The following PDGFD variants were observed in gnomAD, a reference collection of about 807,000 sequenced individuals.
PDGFD encodes platelet-derived growth factor D.
In PDGFD, 30 loss-of-function variants were observed where a neutral mutation model predicts 44.7. The ratio of observed to expected loss-of-function variants is 0.67; its 90% CI spans 0.50 to 0.91. PDGFD has a LOEUF of 0.91. PDGFD is among the 40% of genes least tolerant of loss of function. The pLI, the probability that PDGFD is intolerant of heterozygous loss-of-function variation, is 0.00. For synonymous variants in PDGFD, 173 were observed against 168.4 expected, an observed-to-expected ratio of 1.03 and a Z score of -0.21; for missense variants, 445 against 457.8, an observed-to-expected ratio of 0.97 and a Z score of 0.25.
chr11:104,160,652 T>C (rs1006129011), intron 1 of PDGFD, among the ~76,000 whole-genome samples: 11 of 152,218 alleles, frequency 7.2e-5, no homozygotes, highest in Non-Finnish European at 1.5e-4. Flanking sequence ...TATTAAGTAC[T>C]GTAAATTATT....
chr11:103,940,649 T>G (rs1375047450), intron 5 of PDGFD, among the ~76,000 whole-genome samples: 2 of 152,182 alleles, frequency 1.3e-5, no homozygotes, highest in African/African-American at 2.4e-5. Context: ...GCTGAAATAT[T>G]AAACCTGACT....
chr11:104,072,870 G>GTA (rs1338050278), intron 1 of PDGFD, among the ~76,000 whole-genome samples: 3 of 151,980 alleles, frequency 2.0e-5, no homozygotes, highest in South Asian at 2.1e-4. Flanking sequence ...ATGACATAAT[G>GTA]TATATAAATG....
At chr11:103,999,907 GGTCT>G in intron 2 of PDGFD, 140 bp downstream of exon 2, 1 of 593,514 alleles carries the variant, frequency 1.7e-6, no homozygotes, top group Middle Eastern at 4.8e-4. Context: ...TGTCTGTTAG[GGTCT>G]TTAGGCTTTT....
intron 6 of PDGFD, among the ~76,000 whole-genome samples, chr11:103,920,048 T>C (rs1212175920): frequency 1.3e-5 from 2 of 152,184 alleles, no homozygotes; most frequent in Non-Finnish European, 2.9e-5. Context: ...CAGGCAATAA[T>C]CACAGCAGTG....
chr11:103,944,886 G>T (rs1858646638), intron 4 of PDGFD, among the ~76,000 whole-genome samples: 1 of 152,144 alleles, frequency 6.6e-6, no homozygotes, highest in Non-Finnish European at 1.5e-5. Flanking sequence ...GTAGGGAAAA[G>T]GGAGTCAAGG....
At chr11:103,925,698 T>C (rs7950323) in intron 6 of PDGFD, among the ~76,000 whole-genome samples, 12,498 of 69,034 alleles carry the variant, frequency 0.18, 1,721 homozygotes, top group African/African-American at 0.4. Context: ...TATATATATA[T>C]ACACAGACAC....
At chr11:104,034,577 T>C (rs1256107444) in intron 1 of PDGFD, among the ~76,000 whole-genome samples, 4 of 151,898 alleles carry the variant, frequency 2.6e-5, no homozygotes, top group Non-Finnish European at 5.9e-5. Context: ...TCGACTATCT[T>C]GGTTCATAAG....
Position 103,908,467 on chromosome 11 carries a change from G to A in PDGFD, c.*1227C>T, listed in dbSNP as rs1350456371. The A allele has an allele frequency of 3.9e-5, 6 of 152,108 alleles. No homozygotes were observed. Among genetic ancestry groups the A allele is most frequent in the African/African-American group, 1.2e-4 (5 of 41,434 alleles). The allele number at this position is 152,108 out of a possible 1,614,324, so 9.4% of individuals were successfully genotyped here. ...ATAGCCTCTAGGACTGATTTTACTT[G>A]GTTCAGAAACAGGAAATCAGAACAG... On this transcript the variant is annotated 3_prime_UTR_variant, in exon 7 of 7. Transcript: ENST00000393158.
At chr11:104,051,293 G>A (rs1432088416) in intron 1 of PDGFD, among the ~76,000 whole-genome samples, 1 of 152,030 alleles carries the variant, frequency 6.6e-6, no homozygotes, top group Non-Finnish European at 1.5e-5. Flanking sequence ...TGACCACAAG[G>A]ACCCCAACAT....
At chr11:104,111,756 G>A (rs1861562322) in intron 1 of PDGFD, among the ~76,000 whole-genome samples, 1 of 152,006 alleles carries the variant, frequency 6.6e-6, no homozygotes, top group East Asian at 1.9e-4. Context: ...AGGAGTCTAA[G>A]TAGAGTAAAT....
At chr11:103,945,253 T>C (rs1050976196) in intron 4 of PDGFD, among the ~76,000 whole-genome samples, 6 of 152,178 alleles carry the variant, frequency 3.9e-5, no homozygotes, top group Non-Finnish European at 8.8e-5. Flanking sequence ...CTGTTTCTGA[T>C]AGGTTGTCCC....
intron 1 of PDGFD, among the ~76,000 whole-genome samples, chr11:104,145,792 G>A (rs1862153443): frequency 6.6e-6 from 1 of 152,170 alleles, no homozygotes; most frequent in Non-Finnish European, 1.5e-5. Context: ...GGCCTTCAGA[G>A]AGATAATTAA....
intron 6 of PDGFD, among the ~76,000 whole-genome samples, chr11:103,918,602 TTC>T (rs1444561871): frequency 6.6e-6 from 1 of 152,148 alleles, no homozygotes; most frequent in Non-Finnish European, 1.5e-5. Flanking sequence ...TTCAGGGATT[TTC>T]TCTGTGTTTT....
At chr11:103,936,619 A>G (rs1858491577) in intron 5 of PDGFD, among the ~76,000 whole-genome samples, 1 of 152,144 alleles carries the variant, frequency 6.6e-6, no homozygotes, top group Admixed American at 6.6e-5. Context: ...CAAATGTTTT[A>G]GATTTTAGAG....
intron 1 of PDGFD, among the ~76,000 whole-genome samples, chr11:104,073,305 A>G (rs1188809422): frequency 2.0e-5 from 3 of 152,188 alleles, no homozygotes; most frequent in Non-Finnish European, 1.5e-5. Context: ...AAAATGCTAC[A>G]TAAATAAATA....
At chr11:104,157,547 TTCTATCCCCCTTC>T (rs1370617165) in intron 1 of PDGFD, among the ~76,000 whole-genome samples, 1 of 152,172 alleles carries the variant, frequency 6.6e-6, no homozygotes, top group African/African-American at 2.4e-5. Flanking sequence ...GCAAGTGCTG[TTCTATCCCCCTTC>T]TCCCTCTCAC....
At chr11:104,095,905 G>T (rs1861278730) in intron 1 of PDGFD, among the ~76,000 whole-genome samples, 1 of 152,136 alleles carries the variant, frequency 6.6e-6, no homozygotes. Flanking sequence ...AGATAAAAAT[G>T]TGAGTTAGCT....
chr11:103,995,220 T>G (rs555973204), intron 3 of PDGFD, among the ~76,000 whole-genome samples: 1 of 152,270 alleles, frequency 6.6e-6, no homozygotes, highest in African/African-American at 2.4e-5. Context: ...TACCCGACTT[T>G]AAGCTCCAGA....
chr11:104,136,293 T>C (rs1862003046), intron 1 of PDGFD, among the ~76,000 whole-genome samples: 1 of 152,128 alleles, frequency 6.6e-6, no homozygotes, highest in Admixed American at 6.6e-5. Context: ...AGAAACAAAG[T>C]ATTTCTAAAA....
Sources: allele counts gnomAD v4.1 joint callset (sites outside exome capture counted in the v4.1 genomes callset), GRCh38; gene constraint gnomAD v4.1.1; transcripts MANE v1.5; gene names NCBI Gene and HGNC (gene_info 2026-07-23, HGNC 2026-07-21).